LMTK2: variants seen among roughly 807,000 people sequenced by gnomAD.
The protein encoded by LMTK2 is serine/threonine-protein kinase LMTK2.
Under a neutral mutation model 127.5 loss-of-function variants are expected in LMTK2, and 37 were observed. The observed-to-expected ratio is 0.29, with a 90% confidence interval of 0.22 to 0.38. LMTK2 has a LOEUF of 0.38. LMTK2 is among the 10% of genes least tolerant of loss of function. The pLI is 1.00. For synonymous variants in LMTK2, 819 were observed against 810.1 expected (o/e 1.01, Z -0.19); for missense variants, 1,694 against 1,920.3 (o/e 0.88, Z 2.20).
rs191918231 is a variant in LMTK2, at chr7:98,196,908, G to A, written c.4107+2336G>A. 3.9e-5 allele frequency among the ~76,000 whole-genome samples: 6 copies of A among 152,306 alleles called. No individual in the cohort carries two copies. The East Asian group carries it at 9.7e-4, about 25-fold the overall frequency. On this transcript the variant is annotated intron_variant, in intron 11 of 13. Coordinates refer to ENST00000297293, the MANE Select transcript of LMTK2 (RefSeq NM_014916.4). ...AGATCTTTCTGATGATCTGAAATTC[G>A]TTTGCTTATGCGTCTCATGCAGCAT...
intron 3 of LMTK2, among the ~76,000 whole-genome samples, chr7:98,142,931 G>A (rs1448014599): frequency 6.6e-6 from 1 of 152,214 alleles, no homozygotes; most frequent in Non-Finnish European, 1.5e-5. Context: ...AACCATAGAG[G>A]AAAGGAGCTT....
rs757971752 is a variant in LMTK2 at position 98,204,075 on chromosome 7, A to G, written c.4372A>G (p.Thr1458Ala). 2.5e-6 allele frequency: 4 copies of G among 1,613,942 alleles called. No individual in the cohort carries two copies. The East Asian group carries it at 8.9e-5, about 36-fold the overall frequency. ...YFSPPPPARS[T>A]EQSWPHSAPY... ...TTCTCCGCCGCCACCGGCCCGGAGC[A>G]CGGAGCAGAGCTGGCCGCACTCGGC... The change falls in exon 13 of 14, where the codon ACG becomes GCG. Residue 1458 changes from threonine to alanine, a missense_variant. Physicochemically the swap from Thr to Ala is moderately conservative, Grantham distance 58. Coordinates refer to ENST00000297293, the MANE Select transcript of LMTK2 (RefSeq NM_014916.4).
intron 8 of LMTK2, among the ~76,000 whole-genome samples, chr7:98,186,232 T>G (rs895908742): frequency 6.6e-6 from 1 of 152,042 alleles, no homozygotes; most frequent in African/African-American, 2.4e-5. Flanking sequence ...CCCAGCTAAT[T>G]TTTGTATTTT....
At chr7:98,167,092 C>A (rs1797111943) in intron 6 of LMTK2, among the ~76,000 whole-genome samples, 1 of 152,152 alleles carries the variant, frequency 6.6e-6, no homozygotes, top group African/African-American at 2.4e-5. Flanking sequence ...CTCCTAAGTT[C>A]ATTCTTATTA....
At chr7:98,178,166 A>G (rs116632273) in intron 7 of LMTK2, among the ~76,000 whole-genome samples, 2,166 of 152,306 alleles carry the variant, frequency 0.014, 48 homozygotes, top group African/African-American at 0.049. Flanking sequence ...CCAAGCTGCT[A>G]GAAGAATATT....
chr7:98,119,299 T>C (rs1274151665), intron 1 of LMTK2, among the ~76,000 whole-genome samples: 1 of 152,142 alleles, frequency 6.6e-6, no homozygotes, highest in African/African-American at 2.4e-5. Flanking sequence ...TGTTGACTTG[T>C]GTAACTAGTG....
Position 98,154,661 on chromosome 7 carries a change from C to T in LMTK2, c.451-97C>T, listed in dbSNP as rs1684085001. 7 of 763,922 alleles carry T rather than the reference C, an allele frequency of 9.2e-6. No individual in the cohort carries two copies. In the Admixed American group the frequency reaches 1.1e-4, roughly 12 times the overall value. The allele number at this position is 763,922 out of a possible 1,614,324, so 47.3% of individuals were successfully genotyped here. A position where few individuals can be genotyped will look rare whatever the true frequency, so the allele number is the denominator to read the frequency against. ...AGAATAGAAGGTCACCTGCTTATTG[C>T]TTAACTTGTTCACCTGTGTTCCATT... On this transcript the variant is annotated intron_variant, in intron 4 of 13. Transcript: ENST00000297293.
rs1481919666 is a variant in LMTK2 at position 98,185,203 on chromosome 7, TG to T, written c.876+69del. ...ATTGTGAAGTTGTAATGTCACCAAA[TG>T]CCCCACTGTTTGTATAAGAATCTTA... On this transcript the variant is annotated intron_variant, in intron 8 of 13. Transcript: ENST00000297293. The T allele has an allele frequency of 1.1e-5, 12 of 1,069,992 alleles. No homozygotes were observed. The African/African-American group carries it at 1.7e-4, about 15-fold the overall frequency. 66.3% of individuals were successfully genotyped at this position (1,069,992 alleles called of 1,614,324 possible).
Position 98,106,877 on chromosome 7 carries a change from C to A in LMTK2, c.-301C>A, listed in dbSNP as rs1057181756. 2 of 444,860 alleles carry A rather than the reference C, an allele frequency of 4.5e-6. No homozygotes were observed. Among genetic ancestry groups the A allele is most frequent in the Non-Finnish European group, 7.9e-6 (2 of 251,690 alleles). 27.6% of individuals were successfully genotyped at this position (444,860 alleles called of 1,614,324 possible). ...CCCGCGCTACGTCACATGACGCAGC[C>A]CATCATGGCGGCGGGAGCGCGGCTT... is the stretch of plus-strand genomic sequence containing the variant. On this transcript the variant is annotated 5_prime_UTR_variant, in exon 1 of 14. Coordinates refer to ENST00000297293, the MANE Select transcript of LMTK2 (RefSeq NM_014916.4).
chr7:98,193,281 G>T lies in LMTK2; in HGVS notation c.2816G>T (p.Arg939Leu), dbSNP rs377029898. The T allele has an allele frequency of 1.2e-6, 2 of 1,613,624 alleles. No homozygotes were observed. The highest frequency in any genetic ancestry group is 2.7e-5 in the African/African-American group (2 of 74,912). The change falls in exon 11 of 14, where the codon CGG (arginine) becomes CTG (leucine). Residue 939 changes from arginine to leucine, a missense_variant. Transcript: ENST00000297293. This position sits in a 1 kb window ranked among gnomAD's most constrained non-coding sequence, Gnocchi z 4.1. ...PFSEDHHSHR[R>L]LEKNLEAVET... ...TCGGAAGACCATCACAGTCATCGCC[G>T]GCTAGAGAAAAACTTAGAGGCTGTG... is the stretch of plus-strand genomic sequence containing the variant.
At chr7:98,177,071 A>G (rs1005535300) in intron 7 of LMTK2, among the ~76,000 whole-genome samples, 1 of 152,240 alleles carries the variant, frequency 6.6e-6, no homozygotes, top group African/African-American at 2.4e-5. Context: ...GAGCTACACC[A>G]CACAATCATT....
At chr7:98,174,104 TAAAAAAAA>T (rs11351887) in intron 7 of LMTK2, among the ~76,000 whole-genome samples, 1 of 117,898 alleles carries the variant, frequency 8.5e-6, no homozygotes, top group Non-Finnish European at 1.7e-5. Context: ...CATTTTGTTG[TAAAAAAAA>T]AAAAAAAAAA....
rs1286527543 is a variant in LMTK2 at position 98,116,404 on chromosome 7, G to A, written c.103+9124G>A. 1.1e-4 allele frequency among the ~76,000 whole-genome samples: 16 copies of A among 150,388 alleles called. No homozygotes were observed. The East Asian group carries it at 3.3e-3, about 31-fold the overall frequency. ...TCAGTGTGTGTCTGTGTGTGTGTGT[G>A]TGCATGTGCGTGTGTTTGTGCGTGT... On this transcript the variant is annotated intron_variant, in intron 1 of 13. Transcript: ENST00000297293.
chr7:98,128,383 C>G (rs1273066929), intron 1 of LMTK2, among the ~76,000 whole-genome samples: 1 of 152,068 alleles, frequency 6.6e-6, no homozygotes, highest in South Asian at 2.1e-4. Flanking sequence ...AAGAAAGCCC[C>G]TTTGAGAATG....
intron 3 of LMTK2, among the ~76,000 whole-genome samples, chr7:98,150,543 A>G (rs1465691782): frequency 6.6e-6 from 1 of 152,162 alleles, no homozygotes; most frequent in East Asian, 1.9e-4. Flanking sequence ...GTCCCTAGAA[A>G]GATTTGCATG....
intron 12 of LMTK2, 50 bp downstream of exon 12, chr7:98,203,756 T>A (rs958113957): frequency 6.2e-7 from 1 of 1,607,678 alleles, no homozygotes; most frequent in Admixed American, 1.7e-5. Flanking sequence ...AATTGAGTAA[T>A]GTAAAGGTTT....
chr7:98,113,877 A>G (rs553019072), intron 1 of LMTK2, among the ~76,000 whole-genome samples: 1 of 152,306 alleles, frequency 6.6e-6, no homozygotes, highest in Admixed American at 6.5e-5. Flanking sequence ...CCTTGGCATT[A>G]CAATTGTTTG....
intron 6 of LMTK2, among the ~76,000 whole-genome samples, chr7:98,167,011 C>T (rs1011320109): frequency 6.6e-6 from 1 of 152,162 alleles, no homozygotes; most frequent in Non-Finnish European, 1.5e-5. Context: ...GTGTCTTTGG[C>T]TAGCTTTAAT....
At position 98,196,985 on chromosome 7, in the gene LMTK2, C is replaced by T. The variant is rs187613571; in HGVS notation, c.4107+2413C>T. On this transcript the variant is annotated intron_variant, in intron 11 of 13. Transcript: ENST00000297293. ...TCAGGCCGAGGACTGAGGGTTTCCTCCCACTCCTGCTTTCTTTTTTAATGA... is the reference window on the plus strand; with the variant it reads ...TCAGGCCGAGGACTGAGGGTTTCCTTCCACTCCTGCTTTCTTTTTTAATGA... 2.9e-4 allele frequency among the ~76,000 whole-genome samples: 44 copies of T among 152,352 alleles called. 1 individual carries two copies. In the East Asian group the frequency reaches 8.1e-3, roughly 28 times the overall value.
Sources: gnomAD v4.1 joint callset for allele counts (sites outside exome capture counted in the v4.1 genomes callset) on GRCh38, gnomAD v4.1.1 for gene constraint, Gnocchi (gnomAD v3.1) non-coding constraint, MANE v1.5 for transcripts, NCBI Gene and HGNC (gene_info 2026-07-23, HGNC 2026-07-21) for gene names.